STK4: variants seen among roughly 807,000 people sequenced by gnomAD.
STK4 encodes the protein serine/threonine-protein kinase 4.
Under a neutral mutation model 64.9 loss-of-function variants are expected in STK4, and 30 were observed. The observed-to-expected ratio is 0.46, with a 90% CI of 0.35 to 0.63. The LOEUF (loss-of-function observed/expected upper bound fraction) is 0.63. Ranked by LOEUF, STK4 falls within the 20% of genes least tolerant of loss-of-function variation. The pLI is 0.01. For missense variants in STK4, 466 were observed against 598.5 expected (o/e 0.78, Z 2.31); for synonymous variants, 177 against 199.0 (o/e 0.89, Z 0.93).
rs1175418779 is a variant in STK4 at position 45,076,387 on chromosome 20, C to T, written c.*1211C>T. The T allele has an allele frequency of 6.6e-6, 1 of 152,324 alleles. No homozygotes were observed. Among genetic ancestry groups the T allele is most frequent in the East Asian group, 1.9e-4 (1 of 5,202 alleles). 9.4% of individuals were successfully genotyped at this position (152,324 alleles called of 1,614,324 possible). A position where few individuals can be genotyped will look rare whatever the true frequency, so the allele number is the denominator to read the frequency against. On this transcript the variant is annotated 3_prime_UTR_variant, in exon 11 of 11. Coordinates refer to ENST00000372806, the MANE Select transcript of STK4 (RefSeq NM_006282.5). This position sits in a 1 kb window ranked among gnomAD's most constrained non-coding sequence, Gnocchi z 4.0. The stretch of plus-strand genomic sequence containing the variant: ...AGCAAGTTAGCGTTAAGAGCTGAGA[C>T]TAGAATTCAGGGTCCTCACTCCCAG...
At chr20:45,074,262 A>T (rs1218455793) in intron 10 of STK4, among the ~76,000 whole-genome samples, 2 of 152,218 alleles carry the variant, frequency 1.3e-5, no homozygotes, top group Admixed American at 1.3e-4. Context: ...ATATATGTAA[A>T]GCACTCAGTG....
At chr20:45,027,140 C>G (rs1054358331) in intron 10 of STK4, among the ~76,000 whole-genome samples, 3 of 152,030 alleles carry the variant, frequency 2.0e-5, no homozygotes. Context: ...TAGAAGTTAG[C>G]GATTTTGGCT....
chr20:45,048,278 A>T (rs2068726158), intron 10 of STK4, among the ~76,000 whole-genome samples: 1 of 152,222 alleles, frequency 6.6e-6, no homozygotes, highest in Non-Finnish European at 1.5e-5. Flanking sequence ...GTTATTGAGA[A>T]GATTAATTTA....
chr20:45,055,336 T>C (rs748348292), intron 10 of STK4, among the ~76,000 whole-genome samples: 3 of 152,222 alleles, frequency 2.0e-5, no homozygotes, highest in Admixed American at 6.5e-5. Flanking sequence ...TCAGTTTTGT[T>C]TGGTTTCACT....
chr20:44,970,478 C>G (rs2067224493), intron 1 of STK4: 1 of 152,098 alleles, frequency 6.6e-6, no homozygotes, highest in South Asian at 2.1e-4. Context: ...AATGTTTATA[C>G]AATTACAATT....
intron 10 of STK4, among the ~76,000 whole-genome samples, chr20:45,072,160 A>G (rs1386576429): frequency 2.0e-5 from 3 of 152,160 alleles, no homozygotes; most frequent in African/African-American, 7.2e-5. Context: ...TGTTTTTAGC[A>G]AGTGATTCTG....
At chr20:45,014,739 A>G (rs1022256656) in intron 9 of STK4, among the ~76,000 whole-genome samples, 1 of 152,128 alleles carries the variant, frequency 6.6e-6, no homozygotes, top group Non-Finnish European at 1.5e-5. Context: ...CTCAGGATTC[A>G]TTGGCGATAA....
chr20:45,000,571 A>G, intron 8 of STK4, 51 bp downstream of exon 8: 3 of 1,609,180 alleles, frequency 1.9e-6, no homozygotes, highest in Non-Finnish European at 2.5e-6. Context: ...TTGTTATTTT[A>G]TGATTGCCAA....
chr20:45,048,511 AT>A (rs3216489), intron 10 of STK4, among the ~76,000 whole-genome samples: 127 of 146,334 alleles, frequency 8.7e-4, no homozygotes, highest in African/African-American at 1.1e-3. Context: ...TTGCTTTGTG[AT>A]TTTTTTTTTT....
At chr20:44,967,059 G>C (rs2067162429) in intron 1 of STK4, 2 of 795,760 alleles carry the variant, frequency 2.5e-6, no homozygotes, top group Non-Finnish European at 3.0e-6. Context: ...GCGGTGGGGG[G>C]ATCTGTGGAG....
chr20:44,994,405 A>G (rs552352402), intron 5 of STK4, among the ~76,000 whole-genome samples: 2 of 151,726 alleles, frequency 1.3e-5, no homozygotes, highest in South Asian at 2.1e-4. Context: ...AAACAGGGCT[A>G]TATTATATAT....
intron 5 of STK4, among the ~76,000 whole-genome samples, chr20:44,991,082 C>T (rs2067624517): frequency 6.6e-6 from 1 of 152,260 alleles, no homozygotes; most frequent in South Asian, 2.1e-4. Flanking sequence ...TCTTAAAAAA[C>T]AATCCTTTTA....
chr20:45,064,178 G>A (rs950348361), intron 10 of STK4, among the ~76,000 whole-genome samples: 1 of 152,122 alleles, frequency 6.6e-6, no homozygotes, highest in Non-Finnish European at 1.5e-5. Context: ...TATTGAATAG[G>A]GATTCCTTTC....
At chr20:45,053,938 AG>A (rs1978311121) in intron 10 of STK4, among the ~76,000 whole-genome samples, 1 of 151,482 alleles carries the variant, frequency 6.6e-6, no homozygotes. Context: ...ATTTGTCCCC[AG>A]GGAACCTCTA....
chr20:45,025,205 ATTTTCTTGTGCATT>A (rs1482910864), intron 10 of STK4, 75 bp downstream of exon 10: 1 of 1,509,008 alleles, frequency 6.6e-7, no homozygotes, highest in African/African-American at 1.4e-5. Flanking sequence ...GTGCCCAAGC[ATTTTCTTGTGCATT>A]TTGAGTCTCC....
chr20:44,984,000 A>G (rs1366017785), intron 4 of STK4, among the ~76,000 whole-genome samples: 1 of 152,072 alleles, frequency 6.6e-6, no homozygotes, highest in African/African-American at 2.4e-5. Flanking sequence ...AATTTATTGA[A>G]TTAAACATTG....
In STK4 at chr20:45,012,360, A is replaced by G. The variant is rs188347267; in HGVS notation, c.1147+11007A>G. ...CTCCCATATAAATTTTAGGATCAGT[A>G]TATCAAATTTTATAAAATACTACTG... is the stretch of plus-strand genomic sequence containing the variant. On this transcript the variant is annotated intron_variant, in intron 9 of 10. Coordinates refer to ENST00000372806, the MANE Select transcript of STK4 (RefSeq NM_006282.5). Among the ~76,000 whole-genome samples the G allele has an allele frequency of 6.6e-5, 10 of 152,318 alleles. No homozygotes were observed. In the East Asian group the frequency reaches 1.9e-3, roughly 29 times the overall value.
At chr20:45,034,011 A>ATG (rs1405029900) in intron 10 of STK4, among the ~76,000 whole-genome samples, 2 of 152,118 alleles carry the variant, frequency 1.3e-5, no homozygotes, top group Admixed American at 1.3e-4. Flanking sequence ...ATATTCTTAA[A>ATG]TCTTACTTTA....
intron 10 of STK4, among the ~76,000 whole-genome samples, chr20:45,025,592 A>G (rs562970348): frequency 6.6e-5 from 10 of 152,142 alleles, no homozygotes; most frequent in Non-Finnish European, 1.0e-4. Flanking sequence ...TTCCAGTTTC[A>G]TATGAAAAAC....
Sources: allele counts gnomAD v4.1 joint callset (sites outside exome capture counted in the v4.1 genomes callset), GRCh38; gene constraint gnomAD v4.1.1; non-coding constraint Gnocchi (gnomAD v3.1); transcripts MANE v1.5; gene names NCBI Gene and HGNC (gene_info 2026-07-23, HGNC 2026-07-21).